Variants in LUZP2 observed in about 807,000 individuals in gnomAD.
LUZP2 encodes the protein leucine zipper protein 2.
Under a neutral mutation model 51.6 loss-of-function variants are expected in LUZP2, and 52 were observed. The ratio of observed to expected loss-of-function variants is 1.01; its 90% CI spans 0.81 to 1.27. The LOEUF (loss-of-function observed/expected upper bound fraction) is 1.27. Ranked by LOEUF, LUZP2 falls within the 50% of genes most tolerant of loss-of-function variation. The pLI, the probability that LUZP2 is intolerant of heterozygous loss-of-function variation, is 0.00. For missense variants in LUZP2, 436 were observed against 395.4 expected (o/e 1.10, Z -0.87); for synonymous variants, 154 against 137.3 (o/e 1.12, Z -0.85).
At chr11:24,702,398 A>G (rs528281329) in intron 1 of LUZP2, among the ~76,000 whole-genome samples, 1 of 152,326 alleles carries the variant, frequency 6.6e-6, no homozygotes, top group African/African-American at 2.4e-5. Context: ...AAAGGAAAAG[A>G]AAAGAAAAAA....
At chr11:24,577,224 C>T (rs1214536457) in intron 1 of LUZP2, among the ~76,000 whole-genome samples, 1 of 151,652 alleles carries the variant, frequency 6.6e-6, no homozygotes, top group Non-Finnish European at 1.5e-5. Context: ...AAGTGTTATT[C>T]ATTTGTAAGT....
intron 5 of LUZP2, among the ~76,000 whole-genome samples, chr11:24,810,646 T>C (rs919295186): frequency 2.0e-5 from 3 of 152,062 alleles, no homozygotes; most frequent in African/African-American, 7.2e-5. Flanking sequence ...AGGTGTATAG[T>C]GTGTTGTAAG....
chr11:24,717,151 C>T (rs1321628440), intron 1 of LUZP2, among the ~76,000 whole-genome samples: 1 of 143,760 alleles, frequency 7.0e-6, no homozygotes, highest in African/African-American at 3.0e-5. Context: ...GATTGATAAA[C>T]AGAGTAGGTA....
chr11:24,959,949 T>C (rs1001615758), intron 7 of LUZP2, among the ~76,000 whole-genome samples: 3 of 152,184 alleles, frequency 2.0e-5, no homozygotes, highest in African/African-American at 7.2e-5. Flanking sequence ...TATTGAGAGT[T>C]TTTAGCATGA....
chr11:24,593,724 A>G (rs1294192551), intron 1 of LUZP2, among the ~76,000 whole-genome samples: 1 of 152,202 alleles, frequency 6.6e-6, no homozygotes, highest in Middle Eastern at 3.2e-3. Flanking sequence ...AGGCTCTTAC[A>G]GAAGCTCCAA....
At chr11:25,027,482 G>T (rs944027807) in intron 9 of LUZP2, among the ~76,000 whole-genome samples, 1 of 151,946 alleles carries the variant, frequency 6.6e-6, no homozygotes, top group Non-Finnish European at 1.5e-5. Flanking sequence ...TTTATTTTTA[G>T]TCTATATAAA....
intron 5 of LUZP2, among the ~76,000 whole-genome samples, chr11:24,822,427 G>T (rs1850388809): frequency 6.6e-6 from 1 of 152,090 alleles, no homozygotes; most frequent in South Asian, 2.1e-4. Flanking sequence ...CATCACTAGT[G>T]TGTGGGTGTG....
At chr11:24,994,725 G>A (rs371065102) in intron 9 of LUZP2, among the ~76,000 whole-genome samples, 25 of 152,150 alleles carry the variant, frequency 1.6e-4, no homozygotes, top group South Asian at 8.3e-4. Flanking sequence ...GACTATTATC[G>A]TCTTAACAAT....
intron 9 of LUZP2, among the ~76,000 whole-genome samples, chr11:25,030,000 C>G (rs1243653823): frequency 2.0e-5 from 3 of 152,044 alleles, no homozygotes; most frequent in Non-Finnish European, 4.4e-5. Context: ...GATTTACCAA[C>G]CAACATAACC....
At chr11:24,886,854 T>C (rs951646351) in intron 5 of LUZP2, among the ~76,000 whole-genome samples, 14 of 152,224 alleles carry the variant, frequency 9.2e-5, no homozygotes, top group African/African-American at 3.4e-4. Flanking sequence ...CAAAGTTCCC[T>C]GCCTGCTAAT....
At chr11:24,708,743 A>G (rs1277830972) in intron 1 of LUZP2, among the ~76,000 whole-genome samples, 5 of 152,200 alleles carry the variant, frequency 3.3e-5, no homozygotes, top group Non-Finnish European at 7.3e-5. Flanking sequence ...GACAATGATG[A>G]TACTGCTGGA....
At chr11:24,559,951 A>G (rs1851982184) in intron 1 of LUZP2, among the ~76,000 whole-genome samples, 1 of 152,152 alleles carries the variant, frequency 6.6e-6, no homozygotes, top group East Asian at 1.9e-4. Context: ...GGAGGTAGAT[A>G]AATCACACAC....
At chr11:25,008,918 C>G (rs1444188322) in intron 9 of LUZP2, among the ~76,000 whole-genome samples, 1 of 152,148 alleles carries the variant, frequency 6.6e-6, no homozygotes, top group Non-Finnish European at 1.5e-5. Context: ...AGTTCTCACT[C>G]TGGTAGTAGG....
At chr11:24,730,349 A>G (rs10500989) in intron 2 of LUZP2, among the ~76,000 whole-genome samples, 36,314 of 151,570 alleles carry the variant, frequency 0.24, 5,444 homozygotes, top group East Asian at 0.48. Context: ...ATTTAAAGTC[A>G]ATATCTAAGC....
At chr11:24,812,840 C>A (rs1244011026) in intron 5 of LUZP2, among the ~76,000 whole-genome samples, 1 of 152,158 alleles carries the variant, frequency 6.6e-6, no homozygotes, top group African/African-American at 2.4e-5. Flanking sequence ...ATGATGCTTT[C>A]ATACAGGCTC....
intron 9 of LUZP2, among the ~76,000 whole-genome samples, chr11:25,005,930 T>C (rs999935138): frequency 3.9e-5 from 6 of 152,116 alleles, no homozygotes; most frequent in African/African-American, 1.4e-4. Flanking sequence ...ATAAAGATGT[T>C]ATGCCCCAAA....
chr11:24,819,186 C>T (rs1032659586), intron 5 of LUZP2, among the ~76,000 whole-genome samples: 6 of 151,966 alleles, frequency 3.9e-5, no homozygotes, highest in Non-Finnish European at 8.8e-5. Flanking sequence ...AGTCGTCTAG[C>T]ACAGCGTGTT....
At chr11:24,698,046 C>T (rs772292684) in intron 1 of LUZP2, among the ~76,000 whole-genome samples, 1 of 152,098 alleles carries the variant, frequency 6.6e-6, no homozygotes, top group Admixed American at 6.6e-5. Flanking sequence ...GCCAAATTGT[C>T]CTTAAAAAAT....
At chr11:24,526,285 G>T (rs1026431244) in intron 1 of LUZP2, among the ~76,000 whole-genome samples, 3 of 146,730 alleles carry the variant, frequency 2.0e-5, no homozygotes, top group Non-Finnish European at 4.5e-5. Context: ...AAAAGCTCAA[G>T]AGTGCATATT....
Sources: allele counts gnomAD v4.1 joint callset (sites outside exome capture counted in the v4.1 genomes callset), GRCh38; gene constraint gnomAD v4.1.1; transcripts MANE v1.5; gene names NCBI Gene and HGNC (gene_info 2026-07-23, HGNC 2026-07-21).